The following KRT8 variants were observed in gnomAD, a reference collection of about 807,000 sequenced individuals.
KRT8 encodes the protein keratin, type II cytoskeletal 8.
In KRT8, 24 loss-of-function variants were observed where a neutral mutation model predicts 43.0. The observed-to-expected ratio is 0.56, with a 90% CI of 0.40 to 0.78. The LOEUF is 0.78. Ranked by LOEUF, KRT8 falls within the 30% of genes least tolerant of loss-of-function variation. The pLI is 0.00. For missense variants in KRT8, 492 were observed against 638.4 expected, an observed-to-expected ratio of 0.77 and a Z score of 2.47; for synonymous variants, 214 against 261.2, an observed-to-expected ratio of 0.82 and a Z score of 1.74.
In KRT8 at chr12:52,918,191, A is replaced by AAGAAGAAGAAGAAGAAGAAGAAGAAGG. The variant is rs879808922; in HGVS notation, c.-46-13165_-46-13164insCCTTCTTCTTCTTCTTCTTCTTCTTCT. 4.9e-3 allele frequency among the ~76,000 whole-genome samples: 593 copies of AAGAAGAAGAAGAAGAAGAAGAAGAAGG among 121,938 alleles called. 46 individuals are homozygous for AAGAAGAAGAAGAAGAAGAAGAAGAAGG. Among genetic ancestry groups the AAGAAGAAGAAGAAGAAGAAGAAGAAGG allele is most frequent in the Non-Finnish European group, 8.1e-3 (478 of 59,080 alleles). 80.0% of individuals were successfully genotyped at this position (121,938 alleles called of 152,430 possible). A position where few individuals can be genotyped will look rare whatever the true frequency, so the allele number is the denominator to read the frequency against. On this transcript the variant is annotated intron_variant, in intron 2 of 6. Transcript: ENST00000546826. ...GAAGAAGAGGAAGAGGAAGAAGAAGAAGAAGAAGAAGAACAAGAAGAAGAA... is the reference window on the plus strand; with the variant it reads ...GAAGAAGAGGAAGAGGAAGAAGAAGAAGAAGAAGAAGAAGAAGAAGAAGAAGGAGAAGAAGAAGAACAAGAAGAAGAA...
intron 2 of KRT8, among the ~76,000 whole-genome samples, chr12:52,938,743 G>A (rs1263016651): frequency 2.0e-5 from 3 of 151,984 alleles, no homozygotes; most frequent in African/African-American, 7.3e-5. Flanking sequence ...TCAGCCTCCC[G>A]AGGACCTGGG....
At chr12:52,930,923 C>T (rs1942071985) in intron 2 of KRT8, among the ~76,000 whole-genome samples, 2 of 152,138 alleles carry the variant, frequency 1.3e-5, no homozygotes, top group Admixed American at 1.3e-4. Flanking sequence ...TAGTTTGAGT[C>T]ATTATTACTA....
chr12:52,949,689 C>G (rs1278616618), intron 1 of KRT8: 1 of 1,089,706 alleles, frequency 9.2e-7, no homozygotes, highest in African/African-American at 1.6e-5. Flanking sequence ...CCAACCCCTA[C>G]TCCACCGGGA....
chr12:52,925,617 A>T (rs1226266021), intron 2 of KRT8, among the ~76,000 whole-genome samples: 1 of 152,114 alleles, frequency 6.6e-6, no homozygotes, highest in Non-Finnish European at 1.5e-5. Context: ...ATAGATTAGG[A>T]TGATTCATCT....
At chr12:52,900,058 C>G (rs765765241) in exon 5 of KRT8, 1 of 1,612,376 alleles carries the variant, frequency 6.2e-7, no homozygotes, top group Non-Finnish European at 8.5e-7. Context: ...CTGCAGCTCC[C>G]GGATCTCCTG....
intron 2 of KRT8, chr12:52,926,332 G>GGCCCACCCCCC: frequency 5.0e-6 from 3 of 600,244 alleles, no homozygotes; most frequent in Non-Finnish European, 9.1e-6. Context: ...GGCACTAGCT[G>GGCCCACCCCCC]CCCTCCCCAC....
At chr12:52,908,782 G>A (rs1941574553), upstream of KRT8, among the ~76,000 whole-genome samples, 1 of 152,152 alleles carries the variant, frequency 6.6e-6, no homozygotes, top group African/African-American at 2.4e-5. Flanking sequence ...GAGGCAGGAG[G>A]ATTACTTTAG....
chr12:52,930,217 A>ATTTTTTTTTTTTTTTTTTTTTTT (rs35917845), intron 2 of KRT8, among the ~76,000 whole-genome samples: 1 of 146,396 alleles, frequency 6.8e-6, no homozygotes, highest in Non-Finnish European at 1.5e-5. Flanking sequence ...CAATTCTATC[A>ATTTTTTTTTTTTTTTTTTTTTTT]TTTTTTTTTT....
intron 2 of KRT8, chr12:52,926,332 G>GGGCCCCCCC: frequency 1.7e-6 from 1 of 600,270 alleles, no homozygotes; most frequent in East Asian, 3.3e-5. Context: ...GGCACTAGCT[G>GGGCCCCCCC]CCCTCCCCAC....
At chr12:52,927,969 A>T (rs1416783975) in intron 2 of KRT8, among the ~76,000 whole-genome samples, 1 of 152,202 alleles carries the variant, frequency 6.6e-6, no homozygotes, top group African/African-American at 2.4e-5. Context: ...ATCAAGGAGA[A>T]TCGCTTGAGA....
chr12:52,948,599 C>G (rs1942391918), intron 2 of KRT8: 2 of 247,946 alleles, frequency 8.1e-6, no homozygotes, highest in Non-Finnish European at 1.5e-5. Context: ...TCAAGCGATT[C>G]CCCTTCCTCA....
rs1381204856 is a variant in KRT8 at position 52,938,164 on chromosome 12, ATATATATTTTTTTT to A, written c.-47+11278_-47+11291del. On this transcript the variant is annotated intron_variant, in intron 2 of 6. Transcript: ENST00000546826. ...TATATATATATATATATATATATAT[ATATATATTTTTTTT>A]TTTTTTTATATATAAGGTCTTGCTC... 1.1e-4 allele frequency among the ~76,000 whole-genome samples: 4 copies of A among 35,758 alleles called. 1 individual carries two copies. The highest frequency in any genetic ancestry group is 8.1e-4 in the African/African-American group (4 of 4,958). The allele number at this position is 35,758 out of a possible 152,430, so 23.5% of individuals were successfully genotyped here.
rs745742383 is a variant in KRT8, at chr12:52,897,542, G to A, written c.1338C>T (p.Gly446=). Residue 446 remains glycine, a synonymous_variant, in exon 8 of 8, where the codon GGC becomes GGT. Transcript: ENST00000692008. ...TGCGGCTGAAGGAGCTGGAGCCCGC[G>A]CCAGAGCCAAAGCTGGAGCCCAGGC... 1.9e-5 allele frequency: 30 copies of A among 1,596,592 alleles called. No individual in the cohort carries two copies. The South Asian group carries it at 3.0e-4, about 16-fold the overall frequency.
intron 2 of KRT8, among the ~76,000 whole-genome samples, chr12:52,921,102 A>G (rs1941877889): frequency 6.6e-6 from 1 of 152,194 alleles, no homozygotes; most frequent in Non-Finnish European, 1.5e-5. Context: ...GGCTAAGCCC[A>G]GGCCAGCCCA....
intron 2 of KRT8, among the ~76,000 whole-genome samples, chr12:52,916,050 G>A (rs928233614): frequency 2.0e-5 from 3 of 152,210 alleles, no homozygotes; most frequent in Non-Finnish European, 4.4e-5. Context: ...AATGTGATAA[G>A]CCACTGGACA....
intron 2 of KRT8, among the ~76,000 whole-genome samples, chr12:52,918,205 C>CAAGAAG (rs371624304): frequency 0.027 from 3,136 of 116,564 alleles, 154 homozygotes; most frequent in Non-Finnish European, 0.039. Context: ...AGAAGAAGAA[C>CAAGAAG]AAGAAGAAGA....
At chr12:52,908,830 C>G (rs1941575573), upstream of KRT8, among the ~76,000 whole-genome samples, 2 of 152,038 alleles carry the variant, frequency 1.3e-5, no homozygotes, top group African/African-American at 4.8e-5. Context: ...CATAATGAGA[C>G]CCCCGTCTCT....
intron 2 of KRT8, among the ~76,000 whole-genome samples, chr12:52,944,153 C>T (rs1398093841): frequency 6.6e-6 from 1 of 152,172 alleles, no homozygotes; most frequent in Non-Finnish European, 1.5e-5. Flanking sequence ...TGAAAACTCT[C>T]TAAGTGGATA....
intron 2 of KRT8, among the ~76,000 whole-genome samples, chr12:52,914,390 A>G (rs1467160833): frequency 6.6e-6 from 1 of 152,024 alleles, no homozygotes; most frequent in Non-Finnish European, 1.5e-5. Context: ...CCAAAAAATT[A>G]GCATAGTATG....
Sources: gnomAD v4.1 joint callset for allele counts (sites outside exome capture counted in the v4.1 genomes callset) on GRCh38, gnomAD v4.1.1 for gene constraint, MANE v1.5 for transcripts, NCBI Gene and HGNC (gene_info 2026-07-23, HGNC 2026-07-21) for gene names.